Variants in TNRC18 observed in about 807,000 individuals in gnomAD.
TNRC18 encodes trinucleotide repeat-containing gene 18 protein.
A neutral mutation model predicts 226.7 loss-of-function variants in TNRC18; 69 were observed. The observed-to-expected ratio is 0.30, with a 90% CI of 0.25 to 0.37. The LOEUF is 0.37. TNRC18 is among the 10% of genes least tolerant of loss of function. The pLI, the probability that TNRC18 is intolerant of heterozygous loss-of-function variation, is 1.00. For synonymous variants in TNRC18, 2,449 were observed against 1,927.6 expected (o/e 1.27, Z -7.09); for missense variants, 4,754 against 4,256.6 (o/e 1.12, Z -3.25).
chr7:5,371,089 G>A lies in TNRC18; in HGVS notation c.3505C>T (p.Pro1169Ser), dbSNP rs941607302. ...GACTCCAGAGGCGGCAGCTCTGTGG[G>A]GCCCTCGTCCATGTCCTCCACCTCT... Reference protein sequence around the residue: ...KAEVEDMDEGPTELPPLESPL... With the variant: ...KAEVEDMDEGSTELPPLESPL... Residue 1169 changes from proline (P) to serine (S), a missense_variant, in exon 11 of 30, where the codon CCC becomes TCC. Coordinates refer to ENST00000430969, the MANE Select transcript of TNRC18 (RefSeq NM_001080495.3). 6.2e-7 allele frequency: 1 copy of A among 1,612,042 alleles called. No individual in the cohort carries two copies. The highest frequency in any genetic ancestry group is 2.2e-5 in the East Asian group (1 of 44,882).
chr7:5,379,628 T>C (rs1779258688), intron 5 of TNRC18, among the ~76,000 whole-genome samples: 3 of 152,156 alleles, frequency 2.0e-5, no homozygotes. Context: ...TCCTGGTACC[T>C]CCTTGTCCCT....
At chr7:5,341,452 C>T in intron 18 of TNRC18, among the ~76,000 whole-genome samples, 1 of 149,350 alleles carries the variant, frequency 6.7e-6, no homozygotes, top group Non-Finnish European at 1.5e-5. Context: ...GCTGAATCAC[C>T]TCTGCCACTA....
At chr7:5,382,886 C>T (rs1220216634) in intron 5 of TNRC18, among the ~76,000 whole-genome samples, 3 of 152,072 alleles carry the variant, frequency 2.0e-5, no homozygotes, top group Admixed American at 6.5e-5. Context: ...GCTGGCTCAA[C>T]GGCAACGATT....
At chr7:5,371,458 G>A (rs1204953186) in intron 10 of TNRC18, 94 bp from the exon 11 acceptor site, 2 of 1,396,564 alleles carry the variant, frequency 1.4e-6, no homozygotes, top group Non-Finnish European at 1.9e-6. Context: ...AGAGACCCAG[G>A]ACGCAGCCGC....
In TNRC18 at chr7:5,307,524, C is replaced by T; in HGVS notation, c.*582G>A. 2.2e-6 allele frequency: 1 copy of T among 448,496 alleles called. No individual in the cohort carries two copies. The highest frequency in any genetic ancestry group is 4.5e-6 in the Non-Finnish European group (1 of 223,538). The allele number at this position is 448,496 out of a possible 1,614,324, so 27.8% of individuals were successfully genotyped here. ...TGGTGCCTTTGACAGACACTCCGGG[C>T]TGCAACCCCACCCGGCTCTGTTCCC... On this transcript the variant is annotated 3_prime_UTR_variant, in exon 30 of 30. Coordinates refer to ENST00000430969, the MANE Select transcript of TNRC18 (RefSeq NM_001080495.3).
chr7:5,326,023 C>T (rs1221212841), intron 19 of TNRC18, among the ~76,000 whole-genome samples: 2 of 151,946 alleles, frequency 1.3e-5, no homozygotes, highest in South Asian at 2.1e-4. Flanking sequence ...CTGTTTTTAA[C>T]GTGTATTATC....
chr7:5,324,978 C>G lies in TNRC18; in HGVS notation c.6300+118G>C. On this transcript the variant is annotated intron_variant, in intron 20 of 29. Transcript: ENST00000430969. The surrounding 1 kb of genome is among the most constrained non-coding windows in gnomAD (Gnocchi z 4.8). ...ACATCACCCTCGTCACCCGCAACCT[C>G]TCTGAGCCACAGCTATAGGGAGGGT... is the stretch of plus-strand genomic sequence containing the variant. 2 of 1,280,846 alleles carry G rather than the reference C, an allele frequency of 1.6e-6. No individual in the cohort carries two copies. The highest frequency in any genetic ancestry group is 2.1e-6 in the Non-Finnish European group (2 of 950,580). 79.3% of individuals were successfully genotyped at this position (1,280,846 alleles called of 1,614,324 possible).
intron 2 of TNRC18, among the ~76,000 whole-genome samples, chr7:5,404,762 C>CTGTGTGTGTGTGTGTGTGTG (rs1562627364): frequency 1.7e-4 from 19 of 108,980 alleles, no homozygotes; most frequent in African/African-American, 8.9e-4. Context: ...TGCACACTTT[C>CTGTGTGTGTGTGTGTGTGTG]AGTGTGTGTG....
At chr7:5,422,780 T>G (rs892646338) in intron 1 of TNRC18, 1 of 152,162 alleles carries the variant, frequency 6.6e-6, no homozygotes, top group Non-Finnish European at 1.5e-5. Flanking sequence ...CCTCCCTCCC[T>G]CTCTCCCATC....
intron 14 of TNRC18, among the ~76,000 whole-genome samples, chr7:5,359,825 A>G (rs960012537): frequency 1.5e-5 from 2 of 134,624 alleles, no homozygotes; most frequent in African/African-American, 2.7e-5. Flanking sequence ...TTACGCGTAC[A>G]CTCACACACA....
rs1788103216 is a variant in TNRC18, at chr7:5,319,092, A to G, written c.6745+1226T>C. ...GAACACAGCCAGCACCTCCCAGTACAGGGGGACAGCATGTGCTAGGAAATC... is the reference window on the plus strand; with the variant it reads ...GAACACAGCCAGCACCTCCCAGTACGGGGGGACAGCATGTGCTAGGAAATC... On this transcript the variant is annotated intron_variant, in intron 24 of 29. Coordinates refer to ENST00000430969, the MANE Select transcript of TNRC18 (RefSeq NM_001080495.3). Among the ~76,000 whole-genome samples, 3 of 152,208 alleles carry G rather than the reference A, an allele frequency of 2.0e-5. No individual in the cohort carries two copies. The South Asian group carries it at 6.2e-4, about 31-fold the overall frequency.
intron 1 of TNRC18, among the ~76,000 whole-genome samples, chr7:5,421,691 C>G (rs1384482143): frequency 6.6e-6 from 1 of 152,234 alleles, no homozygotes; most frequent in African/African-American, 2.4e-5. Flanking sequence ...CGGCTTCAGG[C>G]TCCCGGGACC....
chr7:5,324,408 C>A lies in TNRC18; in HGVS notation c.6301-53G>T. ...ACTTAGGACCTGAACAGGGGTCCTG[C>A]CGGGTTGGGGACCCTCTCTGGAAAC... On this transcript the variant is annotated intron_variant, in intron 20 of 29. Coordinates refer to ENST00000430969, the MANE Select transcript of TNRC18 (RefSeq NM_001080495.3). This position sits in a 1 kb window ranked among gnomAD's most constrained non-coding sequence, Gnocchi z 4.8. The A allele has an allele frequency of 6.3e-7, 1 of 1,595,396 alleles. No homozygotes were observed. Among genetic ancestry groups the A allele is most frequent in the Non-Finnish European group, 8.5e-7 (1 of 1,170,846 alleles).
intron 9 of TNRC18, among the ~76,000 whole-genome samples, chr7:5,375,224 G>A (rs777162578): frequency 2.0e-5 from 3 of 152,150 alleles, no homozygotes; most frequent in African/African-American, 7.2e-5. Flanking sequence ...CAGGAGAATC[G>A]TTTGAACCCA....
chr7:5,329,972 G>A (rs1722365588), intron 19 of TNRC18: 1 of 470,966 alleles, frequency 2.1e-6, no homozygotes, highest in Admixed American at 2.4e-5. Flanking sequence ...GCAGGAACCT[G>A]GAACAGAACA....
At chr7:5,393,190 G>C (rs546180911) in intron 3 of TNRC18, among the ~76,000 whole-genome samples, 6 of 152,206 alleles carry the variant, frequency 3.9e-5, no homozygotes, top group African/African-American at 1.4e-4. Context: ...AGACAGTCCC[G>C]AGAGGCAGGC....
rs1437586546 is a variant in TNRC18, at chr7:5,370,824, G to A, written c.3770C>T (p.Ala1257Val). The change falls in exon 11 of 30, where the codon GCC becomes GTC. Residue 1257 changes from alanine to valine, a missense_variant. Transcript: ENST00000430969. The stretch of plus-strand genomic sequence containing the variant: ...AGGCACCTCCACCGGCTCCTCCTTG[G>A]CCTCCACCAGTGTCTCGGGTGTCAG... ...VQLTPETLVE[A>V]KEEPVEVPVA... 1.2e-6 allele frequency: 2 copies of A among 1,609,132 alleles called. No individual in the cohort carries two copies. Among genetic ancestry groups the A allele is most frequent in the African/African-American group, 1.3e-5 (1 of 75,030 alleles).
Position 5,315,011 on chromosome 7 carries a change from G to A in TNRC18, c.7000C>T (p.Arg2334Trp), listed in dbSNP as rs779559788. 1.2e-5 allele frequency: 20 copies of A among 1,606,994 alleles called. No homozygotes were observed. The highest frequency in any genetic ancestry group is 3.4e-5 in the South Asian group (3 of 89,354). Residue 2334 changes from arginine to tryptophan, a missense_variant, in exon 26 of 30, where the codon CGG becomes TGG. Coordinates refer to ENST00000430969, the MANE Select transcript of TNRC18 (RefSeq NM_001080495.3). ...CCCTTGGCCTTGGCGCTGGGTTTCC[G>A]CCCACGCCCACGGGCCTTGGCTCCT... ...EPGAKARGRG[R>W]KPSAKAKGDR...
intron 24 of TNRC18, 25 bp downstream of exon 24, chr7:5,320,293 G>T (rs775778379): frequency 1.3e-6 from 2 of 1,528,820 alleles, no homozygotes; most frequent in Non-Finnish European, 1.8e-6. Flanking sequence ...GGCGGCAGGG[G>T]AGAGCTGGGG....
Sources: allele counts gnomAD v4.1 joint callset (sites outside exome capture counted in the v4.1 genomes callset), GRCh38; gene constraint gnomAD v4.1.1; non-coding constraint Gnocchi (gnomAD v3.1); transcripts MANE v1.5; gene names NCBI Gene and HGNC (gene_info 2026-07-23, HGNC 2026-07-21).